SPIDR: variants seen among roughly 807,000 people sequenced by gnomAD.
The protein encoded by SPIDR is scaffold protein involved in DNA repair, also known as DNA repair-scaffolding protein.
Under a neutral mutation model 104.6 loss-of-function variants are expected in SPIDR, and 93 were observed. The ratio of observed to expected loss-of-function variants is 0.89; its 90% CI spans 0.75 to 1.06. The LOEUF is 1.06. Among genes scored for constraint, SPIDR ranks in the 50% least tolerant of loss-of-function variants. The probability of loss-of-function intolerance (pLI) is 0.00; values close to 1 mark genes in which losing one functional copy is unlikely to be tolerated. For missense variants in SPIDR, 1,154 were observed against 1,111.2 expected (o/e 1.04, Z -0.55); for synonymous variants, 431 against 416.9 (o/e 1.03, Z -0.41).
chr8:47,323,308 T>G (rs2047101753), intron 5 of SPIDR, among the ~76,000 whole-genome samples: 1 of 152,204 alleles, frequency 6.6e-6, no homozygotes, highest in South Asian at 2.1e-4. Context: ...ATTGTATTTA[T>G]GTAAGTAGTT....
At chr8:47,526,159 T>C (rs1032974646) in intron 8 of SPIDR, among the ~76,000 whole-genome samples, 1 of 152,206 alleles carries the variant, frequency 6.6e-6, no homozygotes, top group African/African-American at 2.4e-5. Flanking sequence ...AGGCTCAGCT[T>C]CCTCACACTG....
chr8:47,280,615 A>T (rs923845651), intron 2 of SPIDR, among the ~76,000 whole-genome samples: 2 of 151,272 alleles, frequency 1.3e-5, no homozygotes, highest in Non-Finnish European at 3.0e-5. Context: ...CTGGTTTGGA[A>T]CTCCTGACCT....
At chr8:47,573,419 CAG>C (rs1467893495) in intron 8 of SPIDR, among the ~76,000 whole-genome samples, 3 of 152,198 alleles carry the variant, frequency 2.0e-5, no homozygotes, top group African/African-American at 7.2e-5. Flanking sequence ...GCAGGAAGGT[CAG>C]AGTATATTGA....
intron 7 of SPIDR, among the ~76,000 whole-genome samples, chr8:47,421,890 T>G (rs1179510828): frequency 1.3e-5 from 2 of 152,222 alleles, no homozygotes; most frequent in African/African-American, 4.8e-5. Flanking sequence ...AGACCCTGAT[T>G]GCCTGGGTAT....
intron 14 of SPIDR, among the ~76,000 whole-genome samples, chr8:47,710,653 A>G (rs951777072): frequency 1.3e-5 from 2 of 152,006 alleles, no homozygotes; most frequent in Admixed American, 6.6e-5. Context: ...CTTTTAGTAG[A>G]GATGGGGTTT....
Position 47,322,698 on chromosome 8 carries a change from A to G in SPIDR, c.525+28668A>G, listed in dbSNP as rs572661445. Among the ~76,000 whole-genome samples, 5 of 152,330 alleles carry G rather than the reference A, an allele frequency of 3.3e-5. No homozygotes were observed. The East Asian group carries it at 5.8e-4, about 18-fold the overall frequency. On this transcript the variant is annotated intron_variant, in intron 5 of 19. Coordinates refer to ENST00000297423, the MANE Select transcript of SPIDR (RefSeq NM_001080394.4). ...GACTTGGAGCCAAGCCAGATGTCCA[A>G]CAATGATAGACTGGATTAAGAAAAT... is the stretch of plus-strand genomic sequence containing the variant.
intron 11 of SPIDR, among the ~76,000 whole-genome samples, chr8:47,683,219 T>C (rs143786268): frequency 1.9e-4 from 29 of 152,376 alleles, no homozygotes; most frequent in African/African-American, 6.7e-4. Context: ...TATTGTCAAT[T>C]AGATAAAAGT....
At chr8:47,338,797 T>G (rs1450247002) in intron 5 of SPIDR, among the ~76,000 whole-genome samples, 1 of 152,198 alleles carries the variant, frequency 6.6e-6, no homozygotes, top group African/African-American at 2.4e-5. Context: ...CACAAAAAAT[T>G]ATTTGCCCAG....
intron 8 of SPIDR, among the ~76,000 whole-genome samples, chr8:47,441,033 G>T (rs1473905079): frequency 6.6e-6 from 1 of 152,072 alleles, no homozygotes; most frequent in Non-Finnish European, 1.5e-5. Flanking sequence ...TTTTGCAGTG[G>T]GATATTGATT....
At chr8:47,590,491 CT>C (rs1374169941) in intron 8 of SPIDR, among the ~76,000 whole-genome samples, 1 of 151,932 alleles carries the variant, frequency 6.6e-6, no homozygotes, top group Non-Finnish European at 1.5e-5. Context: ...TGTTATCATT[CT>C]GTTATTGATT....
intron 11 of SPIDR, among the ~76,000 whole-genome samples, chr8:47,695,306 T>C (rs1334248885): frequency 2.0e-5 from 3 of 151,996 alleles, no homozygotes; most frequent in Admixed American, 2.0e-4. Context: ...CCTACAGCAG[T>C]AACAGGTACA....
In SPIDR at chr8:47,437,976, A is replaced by G. The variant is rs1194448771; in HGVS notation, c.878-2347A>G. Among the ~76,000 whole-genome samples the G allele has an allele frequency of 2.0e-5, 3 of 152,274 alleles. No homozygotes were observed. The East Asian group carries it at 5.8e-4, about 29-fold the overall frequency. ...AGGCAGTATGATGCATCTTAGGTACATAAGTATTTCTTCTGTAATACTATT... is the reference window on the plus strand; with the variant it reads ...AGGCAGTATGATGCATCTTAGGTACGTAAGTATTTCTTCTGTAATACTATT... On this transcript the variant is annotated intron_variant, in intron 7 of 19. Transcript: ENST00000297423.
chr8:47,478,583 GC>G (rs1250759999), intron 8 of SPIDR, among the ~76,000 whole-genome samples: 15 of 152,196 alleles, frequency 9.9e-5, no homozygotes, highest in Middle Eastern at 3.2e-3. Context: ...CTGCTGCAGA[GC>G]CACATTCATC....
chr8:47,495,491 A>G (rs2079302945), intron 8 of SPIDR, among the ~76,000 whole-genome samples: 1 of 152,156 alleles, frequency 6.6e-6, no homozygotes, highest in Non-Finnish European at 1.5e-5. Flanking sequence ...AACCATGAGA[A>G]TGTTTTCATT....
intron 5 of SPIDR, among the ~76,000 whole-genome samples, chr8:47,386,122 T>C (rs1588026693): frequency 6.6e-6 from 1 of 152,036 alleles, no homozygotes; most frequent in East Asian, 1.9e-4. Flanking sequence ...CTTATTTTTA[T>C]TATTTTTATA....
At chr8:47,719,776 G>C (rs548666863) in intron 16 of SPIDR, among the ~76,000 whole-genome samples, 1 of 151,960 alleles carries the variant, frequency 6.6e-6, no homozygotes, top group Admixed American at 6.6e-5. Context: ...GGAAACCAGG[G>C]AAGCCAAGGC....
At chr8:47,495,995 A>G (rs2079387785) in intron 8 of SPIDR, among the ~76,000 whole-genome samples, 1 of 152,194 alleles carries the variant, frequency 6.6e-6, no homozygotes, top group African/African-American at 2.4e-5. Flanking sequence ...GTCTGATCAT[A>G]TAGAAATACA....
At chr8:47,522,124 A>T (rs1301311643) in intron 8 of SPIDR, among the ~76,000 whole-genome samples, 1 of 151,246 alleles carries the variant, frequency 6.6e-6, no homozygotes, top group Non-Finnish European at 1.5e-5. Context: ...AGATCGTGCC[A>T]CTGTACTCCA....
At chr8:47,539,919 T>C (rs2087770507) in intron 8 of SPIDR, among the ~76,000 whole-genome samples, 1 of 152,144 alleles carries the variant, frequency 6.6e-6, no homozygotes, top group Non-Finnish European at 1.5e-5. Context: ...TGGACTGGCT[T>C]CCTTCTTATC....
Sources: allele counts gnomAD v4.1 joint callset (sites outside exome capture counted in the v4.1 genomes callset), GRCh38; gene constraint gnomAD v4.1.1; transcripts MANE v1.5; gene names NCBI Gene and HGNC (gene_info 2026-07-23, HGNC 2026-07-21).